The following STARD9 variants were observed in gnomAD, a reference collection of about 807,000 sequenced individuals.
The protein encoded by STARD9 is stAR-related lipid transfer protein 9.
STARD9 carries 346 observed loss-of-function variants against 399.8 expected under a neutral mutation model. That is an observed-to-expected ratio of 0.87 (90% confidence interval 0.79 to 0.95). The LOEUF is 0.95. STARD9 is among the 40% of genes least tolerant of loss of function. STARD9 has a pLI of 0.00. For missense variants in STARD9, 5,832 were observed against 5,667.5 expected (o/e 1.03, Z -0.93); for synonymous variants, 2,203 against 2,143.5 (o/e 1.03, Z -0.77).
chr15:42,631,573 C>T (rs2059332894), intron 3 of STARD9, among the ~76,000 whole-genome samples: 1 of 151,446 alleles, frequency 6.6e-6, no homozygotes, highest in South Asian at 2.1e-4. Flanking sequence ...GAGCGAGATT[C>T]CGTCTCCAAA....
chr15:42,657,019 G>GT (rs1047545756), intron 9 of STARD9, among the ~76,000 whole-genome samples: 6 of 152,070 alleles, frequency 3.9e-5, no homozygotes, highest in Admixed American at 3.3e-4. Context: ...TTTTAAAAAA[G>GT]TAAGCATAAG....
rs1368858329 is a variant in STARD9, at chr15:42,685,680, TCCTGTAAGGGGGAGAGG to T, written c.4107_4123del (p.Cys1369TrpfsTer7). ...AAGTCCTGATATGCAGGAATTTCAC[TCCTGTAAGGGGGAGAGG>T]CCTGGATACTGGCCAAATACTGAGG... On this transcript the variant is annotated frameshift_variant, in exon 23 of 33. Coordinates refer to ENST00000290607, the MANE Select transcript of STARD9 (RefSeq NM_020759.3). LOFTEE classifies it high-confidence loss of function. 2.6e-6 allele frequency: 4 copies of T among 1,537,128 alleles called. No homozygotes were observed. Among genetic ancestry groups the T allele is most frequent in the Non-Finnish European group, 3.5e-6 (4 of 1,146,948 alleles).
Position 42,689,902 on chromosome 15 carries a change from G to T in STARD9, c.8324G>T (p.Gly2775Val), listed in dbSNP as rs766953603. The T allele has an allele frequency of 6.5e-7, 1 of 1,537,672 alleles. No individual in the cohort carries two copies. The highest frequency in any genetic ancestry group is 8.7e-7 in the Non-Finnish European group (1 of 1,147,006). The change falls in exon 23 of 33, where the codon GGC (glycine) becomes GTC (valine). Residue 2775 changes from glycine (G) to valine (V), a missense_variant. Around this residue, in one of 2 missense-constraint regions of STARD9, gnomAD observed 5,828 missense variants for 5,651.1 expected, o/e 1.03. Transcript: ENST00000290607. ...GAGACTGCAGAGGGCATACCCCCTG[G>T]CAGTCAGGACAGCAGCCCAGAGCAT... is the stretch of plus-strand genomic sequence containing the variant. ...PQETAEGIPP[G>V]SQDSSPEHQE...
At chr15:42,698,603 C>G (rs1265414627) in intron 26 of STARD9, among the ~76,000 whole-genome samples, 1 of 152,086 alleles carries the variant, frequency 6.6e-6, no homozygotes, top group Non-Finnish European at 1.5e-5. Flanking sequence ...GCTTCCTTCT[C>G]TTTTGACTTT....
At position 42,663,993 on chromosome 15, in the gene STARD9, C is replaced by A. The variant is rs181121879; in HGVS notation, c.1176+76C>A. 2.0e-4 allele frequency: 210 copies of A among 1,038,740 alleles called. 1 individual carries two copies. In the East Asian group the frequency reaches 4.5e-3, roughly 22 times the overall value. 64.3% of individuals were successfully genotyped at this position (1,038,740 alleles called of 1,614,324 possible). A position where few individuals can be genotyped will look rare whatever the true frequency, so the allele number is the denominator to read the frequency against. ...CTTATTTTTTTTTCTCTCGTGATTT[C>A]TTTCTCTTTGTACTCACCTCAACTT... On this transcript the variant is annotated intron_variant, in intron 13 of 32. Coordinates refer to ENST00000290607, the MANE Select transcript of STARD9 (RefSeq NM_020759.3).
At chr15:42,699,946 A>G (rs1169943190) in intron 26 of STARD9, among the ~76,000 whole-genome samples, 1 of 152,106 alleles carries the variant, frequency 6.6e-6, no homozygotes, top group Non-Finnish European at 1.5e-5. Context: ...ACCTCAGGTG[A>G]TCCACCTGCC....
chr15:42,691,826 G>A lies in STARD9; in HGVS notation c.10248G>A (p.Met3416Ile), dbSNP rs754328876. 2.0e-5 allele frequency: 30 copies of A among 1,537,186 alleles called. 1 individual carries two copies. The South Asian group carries it at 3.0e-4, about 15-fold the overall frequency. The change falls in exon 23 of 33, where the codon ATG becomes ATA. Residue 3416 changes from methionine to isoleucine, a missense_variant. Around this residue, in one of 2 missense-constraint regions of STARD9, gnomAD observed 5,828 missense variants for 5,651.1 expected, o/e 1.03. Coordinates refer to ENST00000290607, the MANE Select transcript of STARD9 (RefSeq NM_020759.3). ...CAATGCCTTCCACTCTCTCACACAT[G>A]CCAACCCCTGATTTCACGACCAGCT... Reference protein sequence around the residue: ...PYPMPSTLSHMPTPDFTTSWM... With the variant: ...PYPMPSTLSHIPTPDFTTSWM...
intron 20 of STARD9, among the ~76,000 whole-genome samples, 179 bp from the exon 21 acceptor site, chr15:42,681,243 C>G (rs1407939447): frequency 6.6e-6 from 1 of 152,218 alleles, no homozygotes; most frequent in South Asian, 2.1e-4. Context: ...CCCTCCTGCA[C>G]TGTGACATCG....
chr15:42,603,144 C>T (rs992710507), intron 3 of STARD9, among the ~76,000 whole-genome samples: 13 of 152,138 alleles, frequency 8.5e-5, no homozygotes, highest in Non-Finnish European at 1.9e-4. Flanking sequence ...TACACAAGCC[C>T]ACTTTCCAGT....
chr15:42,609,173 G>A (rs1566871272), intron 3 of STARD9, among the ~76,000 whole-genome samples: 2 of 152,028 alleles, frequency 1.3e-5, no homozygotes, highest in Non-Finnish European at 2.9e-5. Context: ...AAGAGAAAGG[G>A]GACAAAGAGA....
chr15:42,652,182 A>G (rs566668712), intron 8 of STARD9, among the ~76,000 whole-genome samples: 5 of 152,356 alleles, frequency 3.3e-5, no homozygotes, highest in African/African-American at 7.2e-5. Flanking sequence ...AGAATAAAAT[A>G]AAATGGGTCT....
chr15:42,636,728 G>T (rs915242569), intron 4 of STARD9, among the ~76,000 whole-genome samples: 1 of 152,060 alleles, frequency 6.6e-6, no homozygotes, highest in Non-Finnish European at 1.5e-5. Context: ...CTCATTGCTC[G>T]CTTTGTCCTG....
intron 26 of STARD9, among the ~76,000 whole-genome samples, chr15:42,714,983 GT>G (rs376525830): frequency 2.0e-5 from 3 of 151,478 alleles, no homozygotes; most frequent in Non-Finnish European, 2.9e-5. Context: ...AACAGATTAG[GT>G]TACTTAGGAA....
At chr15:42,634,452 A>T (rs909625556) in intron 3 of STARD9, among the ~76,000 whole-genome samples, 4 of 152,118 alleles carry the variant, frequency 2.6e-5, no homozygotes, top group African/African-American at 9.7e-5. Flanking sequence ...GTATCCTAAG[A>T]CCCTGAATTT....
rs777539145 is a variant in STARD9 at position 42,718,767 on chromosome 15, A to G, written c.13858A>G (p.Met4620Val). The G allele has an allele frequency of 6.0e-4, 925 of 1,537,116 alleles. No individual in the cohort carries two copies. The highest frequency in any genetic ancestry group is 7.6e-4 in the Non-Finnish European group (872 of 1,146,904). The change falls in exon 32 of 33, where the codon ATG becomes GTG. Residue 4620 changes from methionine (M) to valine (V), a missense_variant. Physicochemically the swap from Met to Val is conservative, Grantham distance 21 (BLOSUM62 1). Coordinates refer to ENST00000290607, the MANE Select transcript of STARD9 (RefSeq NM_020759.3). Reference protein sequence around the residue: ...VEAKEGHLSVMAAQSVYDTSM... With the variant: ...VEAKEGHLSVVAAQSVYDTSM... ...CTGTCCCCAGGGTCACCTGTCTGTC[A>G]TGGCAGCCCAGTCTGTGTATGATAC...
chr15:42,638,096 C>T lies in STARD9; in HGVS notation c.446+9C>T. 1 of 1,535,824 alleles carries T rather than the reference C, an allele frequency of 6.5e-7. No homozygotes were observed. Among genetic ancestry groups the T allele is most frequent in the Non-Finnish European group, 8.7e-7 (1 of 1,146,380 alleles). On this transcript the variant is annotated intron_variant, in intron 6 of 32. Transcript: ENST00000290607. ...TGTAGGATAAAAGTAAGGTAAGAAC[C>T]TCCCAAGCTCTGGGACCTACAGTAG...
rs1369103464 is a variant in STARD9 at position 42,684,466 on chromosome 15, A to G, written c.2888A>G (p.His963Arg). ...RKSANKLKPR[H>R]EPKIFTSTTQ... ...TCAGCTAACAAACTAAAGCCAAGGC[A>G]TGAGCCAAAGATCTTCACCTCTACT... is the stretch of plus-strand genomic sequence containing the variant. Residue 963 changes from histidine to arginine, a missense_variant, in exon 23 of 33, where the codon CAT becomes CGT. Physicochemically the swap from His to Arg is conservative, Grantham distance 29. Coordinates refer to ENST00000290607, the MANE Select transcript of STARD9 (RefSeq NM_020759.3). 1.3e-6 allele frequency: 2 copies of G among 1,537,254 alleles called. No individual in the cohort carries two copies. The highest frequency in any genetic ancestry group is 1.7e-6 in the Non-Finnish European group (2 of 1,146,916).
intron 8 of STARD9, 24 bp from the exon 9 acceptor site, chr15:42,652,486 TCCTCGTCCTA>T (rs1181786439): frequency 6.6e-7 from 1 of 1,518,716 alleles, no homozygotes; most frequent in African/African-American, 1.4e-5. Context: ...GTGTAAACAA[TCCTCGTCCTA>T]ACAGTTTTTC....
At chr15:42,592,263 A>G (rs1332144275) in intron 3 of STARD9, among the ~76,000 whole-genome samples, 2 of 152,146 alleles carry the variant, frequency 1.3e-5, no homozygotes, top group Admixed American at 1.3e-4. Context: ...GTTCATATTC[A>G]ACACTATGCT....
Sources: gnomAD v4.1 joint callset for allele counts (sites outside exome capture counted in the v4.1 genomes callset) on GRCh38, gnomAD v4.1.1 for gene constraint, gnomAD v4.1.1 regional missense constraint, MANE v1.5 for transcripts, NCBI Gene and HGNC (gene_info 2026-07-23, HGNC 2026-07-21) for gene names.